Variants in BEST4 observed in about 807,000 individuals in gnomAD.
The protein encoded by BEST4 is bestrophin 4.
Under a neutral mutation model 47.1 loss-of-function variants are expected in BEST4, and 36 were observed. That is an observed-to-expected ratio of 0.76 (90% confidence interval 0.59 to 1.01). The LOEUF (loss-of-function observed/expected upper bound fraction) is 1.01. BEST4 is among the 50% of genes least tolerant of loss of function. The pLI is 0.00. For missense variants in BEST4, 550 were observed against 648.6 expected, an observed-to-expected ratio of 0.85 and a Z score of 1.65; for synonymous variants, 250 against 277.8, an observed-to-expected ratio of 0.90 and a Z score of 1.00.
rs774605499 is a variant in BEST4 at position 44,786,117 on chromosome 1, T to C, written c.593A>G (p.Asp198Gly). 3 of 1,613,308 alleles carry C rather than the reference T, an allele frequency of 1.9e-6. No homozygotes were observed. The South Asian group carries it at 3.3e-5, about 18-fold the overall frequency. Residue 198 changes from aspartate to glycine, a missense_variant, in exon 4 of 9, where the codon GAC (aspartate) becomes GGC (glycine). By Grantham distance (94) the Asp-to-Gly change is moderately conservative (BLOSUM62 -1). Transcript: ENST00000372207. This position sits in a 1 kb window ranked among gnomAD's most constrained non-coding sequence, Gnocchi z 4.9. ...FTNLAAQARR[D>G]GRIRDDIALC... is the part of the protein sequence containing the mutation. ...AGCGATATCGTCACGTATTCGCCCG[T>C]CCCTCCGGGCCTGGGCCGCCAGGTT...
intron 2 of BEST4, among the ~76,000 whole-genome samples, chr1:44,787,130 G>A (rs992417801): frequency 2.7e-5 from 4 of 149,110 alleles, no homozygotes; most frequent in Non-Finnish European, 4.4e-5. Flanking sequence ...CTCTGCCACC[G>A]TGTTGAGTAA....
Position 44,785,496 on chromosome 1 carries a change from G to A in BEST4, c.714+103C>T. 3 of 1,275,928 alleles carry A rather than the reference G, an allele frequency of 2.4e-6. No homozygotes were observed. In the South Asian group the frequency reaches 4.3e-5, roughly 18 times the overall value. The allele number at this position is 1,275,928 out of a possible 1,614,324, so 79.0% of individuals were successfully genotyped here. ...TTTAGGATGAACCCGGTGCCTCAGG[G>A]GACTGAAATGGCCAGGCAAGTACCA... On this transcript the variant is annotated intron_variant, in intron 5 of 8. Transcript: ENST00000372207.
At chr1:44,787,514 A>C in intron 1 of BEST4, 40 bp downstream of exon 1, 1 of 1,614,112 alleles carries the variant, frequency 6.2e-7, no homozygotes, top group Non-Finnish European at 8.5e-7. Context: ...TGGGTGGCCC[A>C]GTCTCCCCAC....
chr1:44,785,592 C>T lies in BEST4; in HGVS notation c.714+7G>A. The T allele has an allele frequency of 6.5e-7, 1 of 1,550,352 alleles. No individual in the cohort carries two copies. The highest frequency in any genetic ancestry group is 1.7e-4 in the Middle Eastern group (1 of 5,986). Reference sequence around the variant, plus strand: ...GCACTGGGACTCGGGAGGGGAGAGGCAGTTACTTGGGTGTAGACGAGGGGG... The same window carrying T: ...GCACTGGGACTCGGGAGGGGAGAGGTAGTTACTTGGGTGTAGACGAGGGGG... On this transcript the variant is annotated splice_region_variant and intron_variant, in intron 5 of 8. Transcript: ENST00000372207.
At position 44,786,308 on chromosome 1, in the gene BEST4, C is replaced by G; in HGVS notation, c.482-80G>C. On this transcript the variant is annotated intron_variant, in intron 3 of 8. Coordinates refer to ENST00000372207, the MANE Select transcript of BEST4 (RefSeq NM_153274.3). This position sits in a 1 kb window ranked among gnomAD's most constrained non-coding sequence, Gnocchi z 4.9. ...TGCTGTTCCGCCGTCTGGCTCCCCT[C>G]CCTCGCGTCCACCGGCTGTCCCAGG... 1 of 1,502,728 alleles carries G rather than the reference C, an allele frequency of 6.7e-7. No homozygotes were observed. The highest frequency in any genetic ancestry group is 8.9e-7 in the Non-Finnish European group (1 of 1,118,908). The allele number at this position is 1,502,728 out of a possible 1,614,324, so 93.1% of individuals were successfully genotyped here. A position where few individuals can be genotyped will look rare whatever the true frequency, so the allele number is the denominator to read the frequency against.
intron 2 of BEST4, among the ~76,000 whole-genome samples, chr1:44,787,028 T>C (rs1030742320): frequency 6.6e-6 from 1 of 151,822 alleles, no homozygotes; most frequent in African/African-American, 2.4e-5. Flanking sequence ...GAAGTGAGGG[T>C]CCGGCAAGTG....
chr1:44,782,006 TAC>T (rs61691330), downstream of BEST4, among the ~76,000 whole-genome samples: 24,797 of 151,818 alleles, frequency 0.16, 2,218 homozygotes, highest in Non-Finnish European at 0.2. Context: ...CTACTAAACA[TAC>T]AAAAAATTAG....
chr1:44,785,782 C>G lies in BEST4; in HGVS notation c.637-106G>C, dbSNP rs1191012379. The G allele has an allele frequency of 2.9e-6, 3 of 1,017,572 alleles. No individual in the cohort carries two copies. In the Admixed American group the frequency reaches 6.9e-5, roughly 23 times the overall value. The allele number at this position is 1,017,572 out of a possible 1,614,324, so 63.0% of individuals were successfully genotyped here. ...GCCAGGAGGCTCTTTCTCATTCTGC[C>G]CTCAGAGGTGTATTAAGATGGGGTG... On this transcript the variant is annotated intron_variant, in intron 4 of 8. Transcript: ENST00000372207.
chr1:44,791,103 T>C (rs1364023277), upstream of BEST4, among the ~76,000 whole-genome samples: 1 of 151,988 alleles, frequency 6.6e-6, no homozygotes, highest in Non-Finnish European at 1.5e-5. Flanking sequence ...CCTGCTATTT[T>C]GTGAGATTTC....
In BEST4 at chr1:44,787,461, A is replaced by G. The variant is rs1269355261; in HGVS notation, c.158T>C (p.Leu53Pro). ...CACGTACCTCTGCTCCTGGGTCAGC[A>G]GCAGCCTGGGGAAGGCAGGTGTAGG... Reference protein sequence around the residue: ...YAVLSITYRLLLTQEQRYVYA... With the variant: ...YAVLSITYRLPLTQEQRYVYA... Residue 53 changes from leucine to proline, a missense_variant, in exon 2 of 9, where the codon CTG becomes CCG. Coordinates refer to ENST00000372207, the MANE Select transcript of BEST4 (RefSeq NM_153274.3). The G allele has an allele frequency of 6.2e-7, 1 of 1,614,206 alleles. No homozygotes were observed. The highest frequency in any genetic ancestry group is 8.5e-7 in the Non-Finnish European group (1 of 1,180,042).
At chr1:44,783,421 G>T (rs1651100402), downstream of BEST4, among the ~76,000 whole-genome samples, 1 of 152,050 alleles carries the variant, frequency 6.6e-6, no homozygotes, top group Non-Finnish European at 1.5e-5. Context: ...TAGGGTGGGT[G>T]GTGGATGGCT....
upstream of BEST4, among the ~76,000 whole-genome samples, chr1:44,791,002 T>C (rs1651393270): frequency 6.6e-6 from 1 of 152,066 alleles, no homozygotes; most frequent in Non-Finnish European, 1.5e-5. Flanking sequence ...TTCTCATCCT[T>C]CCCTCCTTCT....
At chr1:44,782,487 G>A (rs912681445), downstream of BEST4, among the ~76,000 whole-genome samples, 5 of 151,888 alleles carry the variant, frequency 3.3e-5, no homozygotes, top group African/African-American at 1.2e-4. Context: ...AAAATTAGCC[G>A]GGCGTGGTGG....
Position 44,784,707 on chromosome 1 carries a change from T to C in BEST4, c.1070A>G (p.Gln357Arg), listed in dbSNP as rs1364718786. 6.2e-7 allele frequency: 1 copy of C among 1,611,616 alleles called. No homozygotes were observed. The highest frequency in any genetic ancestry group is 1.7e-5 in the Admixed American group (1 of 59,640). The part of the protein sequence containing the change: ...AEKDQYWDED[Q>R]PQPPYTVATA... Reference sequence around the variant, plus strand: ...GGCCACAGTGTAGGGTGGCTGCGGCTGGTCCTCATCCCAGTACTGGTCCTT... The same window carrying C: ...GGCCACAGTGTAGGGTGGCTGCGGCCGGTCCTCATCCCAGTACTGGTCCTT... Residue 357 changes from glutamine to arginine, a missense_variant, in exon 8 of 9, where the codon CAG becomes CGG. This residue lies in a region of BEST4 where 255 missense variants were observed against 286.6 expected (regional missense o/e 0.89). Transcript: ENST00000372207. This position sits in a 1 kb window ranked among gnomAD's most constrained non-coding sequence, Gnocchi z 6.2.
Position 44,786,472 on chromosome 1 carries a change from C to T in BEST4, c.472G>A (p.Val158Met). The T allele has an allele frequency of 6.6e-7, 1 of 1,525,438 alleles. No homozygotes were observed. Among genetic ancestry groups the T allele is most frequent in the Non-Finnish European group, 8.8e-7 (1 of 1,134,184 alleles). 94.5% of individuals were successfully genotyped at this position (1,525,438 alleles called of 1,614,324 possible). ...LKRFPTMEHVVDAGFMSQEER... is the reference protein window; with the variant it reads ...LKRFPTMEHVMDAGFMSQEER... ...CCGGCGGGCGGCGCACCTGCGTCCA[C>T]CACGTGCTCCATGGTGGGGAAGCGC... is the stretch of plus-strand genomic sequence containing the variant. Residue 158 changes from valine to methionine, a missense_variant, in exon 3 of 9, where the codon GTG becomes ATG. Physicochemically the swap from Val to Met is conservative, Grantham distance 21. Transcript: ENST00000372207. The surrounding 1 kb of genome is among the most constrained non-coding windows in gnomAD (Gnocchi z 4.9).
chr1:44,782,141 C>T (rs1040379773), downstream of BEST4, among the ~76,000 whole-genome samples: 11 of 150,966 alleles, frequency 7.3e-5, no homozygotes, highest in Non-Finnish European at 1.6e-4. Context: ...CCAGTGGGTT[C>T]TTTCTCTAAA....
chr1:44,782,365 C>T (rs561300421), downstream of BEST4, among the ~76,000 whole-genome samples: 11 of 152,158 alleles, frequency 7.2e-5, no homozygotes, highest in Non-Finnish European at 1.0e-4. Context: ...CGGTGGCTTA[C>T]GCCTGTAATT....
chr1:44,786,372 C>T lies in BEST4; in HGVS notation c.481+91G>A. ...CGTTCCTGTCGCAGTCCAGACCCTTCCCTGGAGGCCCCTGCTCCCAGGACT... is the reference window on the plus strand; with the variant it reads ...CGTTCCTGTCGCAGTCCAGACCCTTTCCTGGAGGCCCCTGCTCCCAGGACT... On this transcript the variant is annotated intron_variant, in intron 3 of 8. Coordinates refer to ENST00000372207, the MANE Select transcript of BEST4 (RefSeq NM_153274.3). The surrounding 1 kb of genome is among the most constrained non-coding windows in gnomAD (Gnocchi z 4.9). The T allele has an allele frequency of 7.0e-7, 1 of 1,419,788 alleles. No homozygotes were observed. Among genetic ancestry groups the T allele is most frequent in the Admixed American group, 2.5e-5 (1 of 40,436 alleles). The allele number at this position is 1,419,788 out of a possible 1,614,324, so 87.9% of individuals were successfully genotyped here.
chr1:44,789,434 C>A (rs1651352977), upstream of BEST4, among the ~76,000 whole-genome samples: 1 of 145,194 alleles, frequency 6.9e-6, no homozygotes. Flanking sequence ...CACTGTGACT[C>A]ACGCCTGTAA....
Sources: gnomAD v4.1 joint callset for allele counts (sites outside exome capture counted in the v4.1 genomes callset) on GRCh38, gnomAD v4.1.1 for gene constraint, gnomAD v4.1.1 regional missense constraint, Gnocchi (gnomAD v3.1) non-coding constraint, MANE v1.5 for transcripts, NCBI Gene and HGNC (gene_info 2026-07-23, HGNC 2026-07-21) for gene names.